The following NAV1 variants were observed in gnomAD, a reference collection of about 807,000 sequenced individuals.
NAV1 encodes the protein pore membrane and/or filament interacting like protein 3.
Under a neutral mutation model 175.2 loss-of-function variants are expected in NAV1, and 18 were observed. The observed-to-expected ratio is 0.10, with a 90% CI of 0.07 to 0.15. NAV1 has a LOEUF of 0.15. Among genes scored for constraint, NAV1 ranks in the 10% least tolerant of loss-of-function variants. The probability of loss-of-function intolerance (pLI) is 1.00; values close to 1 mark genes in which losing one functional copy is unlikely to be tolerated. For missense variants in NAV1, 1,731 were observed against 2,436.6 expected, an observed-to-expected ratio of 0.71 and a Z score of 6.10; for synonymous variants, 897 against 978.7, an observed-to-expected ratio of 0.92 and a Z score of 1.56.
At chr1:201,675,223 A>G (rs1039245003) in intron 1 of NAV1, among the ~76,000 whole-genome samples, 2 of 152,092 alleles carry the variant, frequency 1.3e-5, no homozygotes, top group African/African-American at 4.8e-5. Flanking sequence ...TCACACCAAC[A>G]TGTCCTCCAT....
intron 3 of NAV1, chr1:201,733,616 G>C (rs1207807853): frequency 2.0e-5 from 3 of 152,138 alleles, no homozygotes; most frequent in African/African-American, 7.2e-5. Context: ...AATAAAGCAG[G>C]GTAAGGGGCA....
At chr1:201,669,768 C>T (rs912013349) in intron 1 of NAV1, among the ~76,000 whole-genome samples, 2 of 152,002 alleles carry the variant, frequency 1.3e-5, no homozygotes, top group African/African-American at 4.8e-5. Context: ...GTTGGAGGGG[C>T]AGTAAACAGA....
chr1:201,796,265 AG>A (rs1677444833), intron 15 of NAV1: 1 of 152,186 alleles, frequency 6.6e-6, no homozygotes, highest in Non-Finnish European at 1.5e-5. Flanking sequence ...TTTCCAGAGC[AG>A]CTACACCATT....
chr1:201,557,146 A>G (rs556510300), intron 1 of NAV1, among the ~76,000 whole-genome samples: 174 of 152,268 alleles, frequency 1.1e-3, no homozygotes, highest in Non-Finnish European at 2.1e-3. Context: ...CACGGCACCA[A>G]CTGTGATGGT....
chr1:201,802,183 TAATCTCAGCTACTCGA>T (rs1025979632), intron 15 of NAV1, among the ~76,000 whole-genome samples: 2 of 141,068 alleles, frequency 1.4e-5, no homozygotes, highest in African/African-American at 5.1e-5. Flanking sequence ...CAGGGGCCTG[TAATCTCAGCTACTCGA>T]GAAGCTGAGG....
At chr1:201,612,673 G>A (rs376526955) in intron 2 of NAV1, among the ~76,000 whole-genome samples, 60 of 152,290 alleles carry the variant, frequency 3.9e-4, no homozygotes, top group African/African-American at 1.4e-3. Flanking sequence ...CAAAGGTGTA[G>A]CCCTCATGAC....
rs1021600652 is a variant in NAV1, at chr1:201,650,308, C to A, written c.757+883C>A. On this transcript the variant is annotated intron_variant, in intron 1 of 29. Transcript: ENST00000367296. ...ACTGCTCTTTCTCTCCCCGGAGAGC[C>A]CCTGCCCTCAGAGAGGAATAGATCT... Among the ~76,000 whole-genome samples, 10 of 152,242 alleles carry A rather than the reference C, an allele frequency of 6.6e-5. No individual in the cohort carries two copies. In the East Asian group the frequency reaches 1.9e-3, roughly 29 times the overall value.
rs1246267336 is a variant in NAV1 at position 201,808,886 on chromosome 1, G to A, written c.4207+15G>A. On this transcript the variant is annotated intron_variant, in intron 20 of 29. Transcript: ENST00000367296. The surrounding 1 kb of genome is among the most constrained non-coding windows in gnomAD (Gnocchi z 5.5). Reference sequence around the variant, plus strand: ...TGCAGACACAGGTACCTGTGTGGGAGAAGAATCTATAAGGGTGAAGGGAAG... The same window carrying A: ...TGCAGACACAGGTACCTGTGTGGGAAAAGAATCTATAAGGGTGAAGGGAAG... 1.9e-6 allele frequency: 3 copies of A among 1,606,180 alleles called. No homozygotes were observed. Among genetic ancestry groups the A allele is most frequent in the Non-Finnish European group, 2.6e-6 (3 of 1,175,546 alleles).
chr1:201,622,639 G>T (rs1668206321), upstream of NAV1, among the ~76,000 whole-genome samples: 1 of 152,154 alleles, frequency 6.6e-6, no homozygotes, highest in South Asian at 2.1e-4. Flanking sequence ...TTGCAGATGA[G>T]CCTCATAACA....
intron 2 of NAV1, among the ~76,000 whole-genome samples, chr1:201,633,198 A>G (rs1002175656): frequency 2.0e-5 from 3 of 152,220 alleles, no homozygotes; most frequent in Admixed American, 1.3e-4. Flanking sequence ...AACCAGGACC[A>G]CTGCTTTCTG....
chr1:201,811,711 A>G (rs1571517496), exon 25 of NAV1: 1 of 1,612,088 alleles, frequency 6.2e-7, no homozygotes, highest in African/African-American at 1.3e-5. Flanking sequence ...AGCAGGCTCC[A>G]TCAGTGAGTT....
intron 3 of NAV1, chr1:201,724,165 G>A (rs2102499220): frequency 6.6e-6 from 1 of 152,266 alleles, no homozygotes; most frequent in South Asian, 2.1e-4. Flanking sequence ...ACTTTGAGTT[G>A]GCTGCTGACT....
chr1:201,702,780 A>G (rs1440320938), intron 1 of NAV1, among the ~76,000 whole-genome samples: 1 of 149,324 alleles, frequency 6.7e-6, no homozygotes, highest in Non-Finnish European at 1.5e-5. Flanking sequence ...CTCTAGAGTC[A>G]GACTATCTGG....
At chr1:201,826,844 C>A (rs768967180) in exon 30 of NAV1, 1 of 152,130 alleles carries the variant, frequency 6.6e-6, no homozygotes, top group Non-Finnish European at 1.5e-5. Flanking sequence ...GCTGAAGAGG[C>A]CTTCCTTCAT....
intron 22 of NAV1, 79 bp downstream of exon 26, chr1:201,809,616 T>C (rs963127042): frequency 7.3e-7 from 1 of 1,360,768 alleles, no homozygotes; most frequent in Non-Finnish European, 1.0e-6. Flanking sequence ...AGGGTCTCAC[T>C]CTTGCCACCC....
intron 1 of NAV1, among the ~76,000 whole-genome samples, chr1:201,627,082 TTTTTG>T (rs1668350851): frequency 6.6e-6 from 1 of 152,216 alleles, no homozygotes; most frequent in South Asian, 2.1e-4. Context: ...ACTATTTCTT[TTTTTG>T]TTTTTAGTCT....
chr1:201,809,118 G>T, intron 20 of NAV1, 46 bp from the exon 25 acceptor site: 1 of 1,565,656 alleles, frequency 6.4e-7, no homozygotes, highest in Non-Finnish European at 8.8e-7. Context: ...TTTAGGAAAG[G>T]CTGCGGGTAC....
intron 1 of NAV1, among the ~76,000 whole-genome samples, chr1:201,563,026 G>A (rs1001544024): frequency 6.6e-6 from 1 of 152,214 alleles, no homozygotes; most frequent in Non-Finnish European, 1.5e-5. Context: ...GCCAGAGTGG[G>A]TGGTTATGAG....
At chr1:201,729,687 A>G (rs1254140917) in intron 3 of NAV1, among the ~76,000 whole-genome samples, 1 of 151,974 alleles carries the variant, frequency 6.6e-6, no homozygotes, top group East Asian at 1.9e-4. Context: ...CGGGCAGATC[A>G]TGAGGTCAGG....
Sources: allele counts gnomAD v4.1 joint callset (sites outside exome capture counted in the v4.1 genomes callset), GRCh38; gene constraint gnomAD v4.1.1; non-coding constraint Gnocchi (gnomAD v3.1); transcripts MANE v1.5; gene names NCBI Gene and HGNC (gene_info 2026-07-23, HGNC 2026-07-21).